The following MOB3B variants were observed in gnomAD, a reference collection of about 807,000 sequenced individuals.
MOB3B encodes MOB kinase activator-like 2B.
A neutral mutation model predicts 18.7 loss-of-function variants in MOB3B; 7 were observed. That is an observed-to-expected ratio of 0.37 (90% CI 0.21 to 0.70). The LOEUF (loss-of-function observed/expected upper bound fraction) is 0.70, where lower values mean the gene tolerates loss of function less well. Among genes scored for constraint, MOB3B ranks in the 30% least tolerant of loss-of-function variants. The probability of loss-of-function intolerance (pLI) is 0.52; values close to 1 mark genes in which losing one functional copy is unlikely to be tolerated. For synonymous variants in MOB3B, 111 were observed against 99.9 expected, an observed-to-expected ratio of 1.11 and a Z score of -0.66; for missense variants, 253 against 281.3, an observed-to-expected ratio of 0.90 and a Z score of 0.72.
chr9:27,369,682 G>A lies in MOB3B; in HGVS notation c.419-10446C>T, dbSNP rs548466006. ...CTCCCAACTTGCATGTAATACTCCAGCCATCTGAAGCTACGATCCTCTTTC... is the reference window on the plus strand; with the variant it reads ...CTCCCAACTTGCATGTAATACTCCAACCATCTGAAGCTACGATCCTCTTTC... On this transcript the variant is annotated intron_variant, in intron 2 of 3. Coordinates refer to ENST00000262244, the MANE Select transcript of MOB3B (RefSeq NM_024761.5). Among the ~76,000 whole-genome samples, 3 of 152,326 alleles carry A rather than the reference G, an allele frequency of 2.0e-5. No individual in the cohort carries two copies. In the South Asian group the frequency reaches 6.2e-4, roughly 32 times the overall value.
At chr9:27,426,973 A>G (rs1822344063) in intron 2 of MOB3B, among the ~76,000 whole-genome samples, 1 of 152,224 alleles carries the variant, frequency 6.6e-6, no homozygotes, top group African/African-American at 2.4e-5. Context: ...TGAATCTGCA[A>G]GCACACACTG....
At chr9:27,480,424 G>A (rs890935945) in intron 1 of MOB3B, among the ~76,000 whole-genome samples, 5 of 151,606 alleles carry the variant, frequency 3.3e-5, no homozygotes, top group African/African-American at 7.3e-5. Flanking sequence ...CTCAGCCTCC[G>A]GAGTAGCTGG....
chr9:27,472,409 G>A (rs1281250710), intron 1 of MOB3B, among the ~76,000 whole-genome samples: 4 of 152,038 alleles, frequency 2.6e-5, no homozygotes, highest in East Asian at 1.9e-4. Context: ...AAACCCCTGC[G>A]GCGAGGGCTC....
At chr9:27,406,434 T>C (rs959826409) in intron 2 of MOB3B, among the ~76,000 whole-genome samples, 5 of 152,182 alleles carry the variant, frequency 3.3e-5, no homozygotes, top group African/African-American at 4.8e-5. Flanking sequence ...GCCGAAGCAA[T>C]CCTGGGCAAA....
intron 1 of MOB3B, among the ~76,000 whole-genome samples, chr9:27,471,718 G>A (rs1275308739): frequency 6.6e-6 from 1 of 152,176 alleles, no homozygotes; most frequent in Non-Finnish European, 1.5e-5. Flanking sequence ...TTTGTAATAT[G>A]CATTAGCTTT....
At chr9:27,447,830 AGT>A (rs1196660461) in intron 2 of MOB3B, among the ~76,000 whole-genome samples, 4 of 152,206 alleles carry the variant, frequency 2.6e-5, no homozygotes, top group Non-Finnish European at 4.4e-5. Flanking sequence ...TCCAGCAGCC[AGT>A]GGGGTGCAGG....
At chr9:27,404,692 G>A (rs992514229) in intron 2 of MOB3B, among the ~76,000 whole-genome samples, 1 of 152,068 alleles carries the variant, frequency 6.6e-6, no homozygotes, top group Non-Finnish European at 1.5e-5. Flanking sequence ...CTCATCTTAG[G>A]TTGACTCCAT....
intron 2 of MOB3B, among the ~76,000 whole-genome samples, chr9:27,364,397 G>A (rs899611211): frequency 6.6e-6 from 1 of 152,162 alleles, no homozygotes; most frequent in Non-Finnish European, 1.5e-5. Context: ...TAAAAAGAGA[G>A]GATTCTGAGA....
intron 1 of MOB3B, among the ~76,000 whole-genome samples, chr9:27,460,643 GC>G (rs1563874393): frequency 6.6e-6 from 1 of 152,184 alleles, no homozygotes. Context: ...AGGGACTGAA[GC>G]TGATACCAGT....
At chr9:27,414,785 G>T (rs1822121131) in intron 2 of MOB3B, among the ~76,000 whole-genome samples, 1 of 152,200 alleles carries the variant, frequency 6.6e-6, no homozygotes, top group Non-Finnish European at 1.5e-5. Context: ...TTGCTGCTCA[G>T]ATCTTCAGAA....
chr9:27,436,850 C>A (rs1195591226), intron 2 of MOB3B, among the ~76,000 whole-genome samples: 2 of 151,918 alleles, frequency 1.3e-5, no homozygotes, highest in African/African-American at 4.8e-5. Flanking sequence ...GAGGAGTCCT[C>A]CCAAAGGAAG....
chr9:27,450,567 A>C (rs573760119), intron 2 of MOB3B, among the ~76,000 whole-genome samples: 1 of 152,308 alleles, frequency 6.6e-6, no homozygotes, highest in Admixed American at 6.5e-5. Context: ...CAAAAACAAA[A>C]ACAAAACAGG....
chr9:27,418,899 A>T (rs1822197566), intron 2 of MOB3B, among the ~76,000 whole-genome samples: 1 of 151,320 alleles, frequency 6.6e-6, no homozygotes, highest in Non-Finnish European at 1.5e-5. Flanking sequence ...TACCTTGAAA[A>T]CCCTAAGGAC....
intron 1 of MOB3B, among the ~76,000 whole-genome samples, chr9:27,514,587 A>C (rs1427532907): frequency 6.6e-6 from 1 of 152,226 alleles, no homozygotes; most frequent in Non-Finnish European, 1.5e-5. Context: ...CTGTATATAT[A>C]ATAGGAAATG....
At chr9:27,350,310 C>G (rs1352433923) in intron 3 of MOB3B, among the ~76,000 whole-genome samples, 1 of 149,712 alleles carries the variant, frequency 6.7e-6, no homozygotes, top group Admixed American at 6.6e-5. Context: ...TGCTCTATTT[C>G]CTTTATCATC....
intron 2 of MOB3B, among the ~76,000 whole-genome samples, chr9:27,390,086 A>G (rs1321307478): frequency 2.0e-5 from 3 of 152,166 alleles, no homozygotes; most frequent in Non-Finnish European, 4.4e-5. Flanking sequence ...ATGTGTGTAT[A>G]TATATATTTG....
At chr9:27,500,263 T>A (rs1408043841) in intron 1 of MOB3B, among the ~76,000 whole-genome samples, 1 of 152,142 alleles carries the variant, frequency 6.6e-6, no homozygotes, top group East Asian at 1.9e-4. Flanking sequence ...ATATAAAGTG[T>A]CTTGTGAGAA....
chr9:27,368,891 T>G (rs955777671), intron 2 of MOB3B, among the ~76,000 whole-genome samples: 2 of 152,220 alleles, frequency 1.3e-5, no homozygotes, highest in Admixed American at 6.5e-5. Flanking sequence ...ACTTCTGAGT[T>G]GCTCATCAGC....
chr9:27,363,315 G>A (rs568570026), intron 2 of MOB3B, among the ~76,000 whole-genome samples: 2 of 152,044 alleles, frequency 1.3e-5, no homozygotes, highest in South Asian at 2.1e-4. Context: ...TCGCACTTTC[G>A]CCCAGTACAG....
Sources: allele counts gnomAD v4.1 joint callset (sites outside exome capture counted in the v4.1 genomes callset), GRCh38; gene constraint gnomAD v4.1.1; transcripts MANE v1.5; gene names NCBI Gene and HGNC (gene_info 2026-07-23, HGNC 2026-07-21).